CDHR2: variants seen among roughly 807,000 people sequenced by gnomAD.
CDHR2 encodes cadherin related family member 2, also known as cadherin-related family member 2.
Under a neutral mutation model 138.6 loss-of-function variants are expected in CDHR2, and 104 were observed. The observed-to-expected ratio is 0.75, with a 90% CI of 0.64 to 0.88. The LOEUF is 0.88. CDHR2 is among the 40% of genes least tolerant of loss of function. The probability of loss-of-function intolerance (pLI) is 0.00; values close to 1 mark genes in which losing one functional copy is unlikely to be tolerated. For synonymous variants in CDHR2, 755 were observed against 742.8 expected, an observed-to-expected ratio of 1.02 and a Z score of -0.27; for missense variants, 1,624 against 1,727.6, an observed-to-expected ratio of 0.94 and a Z score of 1.06.
intron 1 of CDHR2, among the ~76,000 whole-genome samples, chr5:176,550,909 C>G (rs2113248476): frequency 6.6e-6 from 1 of 152,314 alleles, no homozygotes; most frequent in East Asian, 1.9e-4. Context: ...CTGGCACCTC[C>G]TGGGCCAGGT....
rs989875231 is a variant in CDHR2 at position 176,553,854 on chromosome 5, G to A, written c.-16+4440G>A. On this transcript the variant is annotated intron_variant, in intron 1 of 31. Transcript: ENST00000261944. The surrounding 1 kb of genome is among the most constrained non-coding windows in gnomAD (Gnocchi z 4.3). ...CACCACCAGTGCCACCCCTACCCCC[G>A]AGGGATCCCTATCCTGATATTGGAC... 1.3e-5 allele frequency among the ~76,000 whole-genome samples: 2 copies of A among 151,962 alleles called. No individual in the cohort carries two copies. The highest frequency in any genetic ancestry group is 2.9e-5 in the Non-Finnish European group (2 of 68,004).
At position 176,590,680 on chromosome 5, in the gene CDHR2, C is replaced by T. The variant is rs775076278; in HGVS notation, c.3532C>T (p.Arg1178Trp). The T allele has an allele frequency of 1.5e-5, 25 of 1,613,114 alleles. No individual in the cohort carries two copies. Among genetic ancestry groups the T allele is most frequent in the African/African-American group, 9.4e-5 (7 of 74,836 alleles). ...VIMTMAFVCV[R>W]KSYNRKLQAM... ...CATGACCATGGCCTTCGTGTGTGTGCGGAAGAGGTGCGGCTCCCATTGCCC... is the reference window on the plus strand; with the variant it reads ...CATGACCATGGCCTTCGTGTGTGTGTGGAAGAGGTGCGGCTCCCATTGCCC... The change falls in exon 28 of 32, where the codon CGG becomes TGG. Residue 1178 changes from arginine (R) to tryptophan (W), a missense_variant. Arg to Trp is a moderately radical substitution (Grantham distance 101). This residue lies in a region of CDHR2 where 556 missense variants were observed against 565.7 expected (regional missense o/e 0.98). Coordinates refer to ENST00000261944, the MANE Select transcript of CDHR2 (RefSeq NM_017675.6).
chr5:176,545,907 G>T (rs183172458), upstream of CDHR2, among the ~76,000 whole-genome samples: 2 of 152,232 alleles, frequency 1.3e-5, no homozygotes, highest in Non-Finnish European at 2.9e-5. Flanking sequence ...CTGGCCACAC[G>T]TGCCTCATCG....
Position 176,589,246 on chromosome 5 carries a change from C to T in CDHR2, c.3008+64C>T, listed in dbSNP as rs926249387. On this transcript the variant is annotated intron_variant, in intron 22 of 31. Transcript: ENST00000261944. Reference sequence around the variant, plus strand: ...GGGCCCGATAGGAGCTTTCAGGCAGCAAGTCCCCCATCCTGGAGGTTACAA... The same window carrying T: ...GGGCCCGATAGGAGCTTTCAGGCAGTAAGTCCCCCATCCTGGAGGTTACAA... The T allele has an allele frequency of 1.3e-5, 21 of 1,602,354 alleles. No homozygotes were observed. In the African/African-American group the frequency reaches 2.8e-4, roughly 21 times the overall value.
rs776599507 is a variant in CDHR2 at position 176,584,660 on chromosome 5, C to T, written c.2379C>T (p.Asp793=). The T allele has an allele frequency of 5.6e-6, 9 of 1,613,882 alleles. No homozygotes were observed. Among genetic ancestry groups the T allele is most frequent in the African/African-American group, 5.3e-5 (4 of 74,918 alleles). Residue 793 remains aspartate (D), a synonymous_variant, in exon 19 of 32, where the codon GAC becomes GAT. Coordinates refer to ENST00000261944, the MANE Select transcript of CDHR2 (RefSeq NM_017675.6). ...CCCAGGGGGGTGAGACCATAGTAGACGTCTGCGTGAATGTGAAAGACGTGA... is the reference window on the plus strand; with the variant it reads ...CCCAGGGGGGTGAGACCATAGTAGATGTCTGCGTGAATGTGAAAGACGTGA... ...PDPQGGETIV[D]VCVNVKDVND... is the part of the protein sequence containing the mutation.
chr5:176,570,896 A>C (rs1473993234), intron 5 of CDHR2, among the ~76,000 whole-genome samples: 1 of 151,650 alleles, frequency 6.6e-6, no homozygotes, highest in Non-Finnish European at 1.5e-5. Flanking sequence ...GGTTGCATTG[A>C]GATGAGATCA....
chr5:176,576,136 C>G lies in CDHR2; in HGVS notation c.1145C>G (p.Pro382Arg), dbSNP rs376237956. 3.7e-6 allele frequency: 6 copies of G among 1,613,924 alleles called. No homozygotes were observed. Among genetic ancestry groups the G allele is most frequent in the African/African-American group, 1.3e-5 (1 of 74,942 alleles). The change falls in exon 12 of 32, where the codon CCC becomes CGC. Residue 382 changes from proline to arginine, a missense_variant. This residue lies in a region of CDHR2 where 1,061 missense variants were observed against 1,136.6 expected (regional missense o/e 0.93). Coordinates refer to ENST00000261944, the MANE Select transcript of CDHR2 (RefSeq NM_017675.6). The surrounding 1 kb of genome is among the most constrained non-coding windows in gnomAD (Gnocchi z 4.5). Reference sequence around the variant, plus strand: ...GGCTACGTGGACGAGCATGCCTCCCCCCGCATCCCCATCGATGACCTCACC... The same window carrying G: ...GGCTACGTGGACGAGCATGCCTCCCGCCGCATCCCCATCGATGACCTCACC... ...FTGYVDEHAS[P>R]RIPIDDLTMV...
At chr5:176,583,070 A>G (rs540949903) in intron 17 of CDHR2, among the ~76,000 whole-genome samples, 1 of 152,244 alleles carries the variant, frequency 6.6e-6, no homozygotes, top group Admixed American at 6.5e-5. Context: ...TCAGAAATGA[A>G]GAAAACGAAG....
intron 17 of CDHR2, among the ~76,000 whole-genome samples, chr5:176,583,260 A>G (rs1366197535): frequency 2.0e-5 from 3 of 152,204 alleles, no homozygotes; most frequent in Non-Finnish European, 4.4e-5. Context: ...AAGGTCACAC[A>G]TGAGGCAGAG....
upstream of CDHR2, among the ~76,000 whole-genome samples, chr5:176,545,952 A>T (rs73341061): frequency 0.012 from 1,783 of 152,136 alleles, 35 homozygotes; most frequent in African/African-American, 0.041. Flanking sequence ...GCCAGGACAC[A>T]CCTCTGTCAA....
chr5:176,576,380 G>C lies in CDHR2; in HGVS notation c.1194+195G>C, dbSNP rs1019670478. On this transcript the variant is annotated intron_variant, in intron 12 of 31. Coordinates refer to ENST00000261944, the MANE Select transcript of CDHR2 (RefSeq NM_017675.6). The surrounding 1 kb of genome is among the most constrained non-coding windows in gnomAD (Gnocchi z 4.5). ...ATCATCCTCTGGGCGATCCGTGTGGGGCTGAATAGAAGGCCATGCTGAGTG... is the reference window on the plus strand; with the variant it reads ...ATCATCCTCTGGGCGATCCGTGTGGCGCTGAATAGAAGGCCATGCTGAGTG... 3.3e-5 allele frequency among the ~76,000 whole-genome samples: 5 copies of C among 152,088 alleles called. No homozygotes were observed. The highest frequency in any genetic ancestry group is 5.9e-5 in the Non-Finnish European group (4 of 68,024).
At chr5:176,574,228 A>G (rs1354418222) in intron 7 of CDHR2, 56 bp downstream of exon 7, 1 of 1,304,426 alleles carries the variant, frequency 7.7e-7, no homozygotes, top group Non-Finnish European at 1.1e-6. Context: ...CAGCATCTCC[A>G]CAGACAACCC....
chr5:176,546,971 T>C (rs1581125686), upstream of CDHR2, among the ~76,000 whole-genome samples: 5 of 90,772 alleles, frequency 5.5e-5, no homozygotes, highest in Middle Eastern at 0.036. Flanking sequence ...CGCAAAGTGG[T>C]CTTTTTGGTC....
At chr5:176,560,988 A>G (rs1191159508) in intron 1 of CDHR2, among the ~76,000 whole-genome samples, 2 of 39,400 alleles carry the variant, frequency 5.1e-5, no homozygotes, top group African/African-American at 6.8e-5. Flanking sequence ...TCTAGGGCAC[A>G]CTGGGGGAGG....
intron 2 of CDHR2, 77 bp downstream of exon 2, chr5:176,565,481 C>A: frequency 7.0e-7 from 1 of 1,433,764 alleles, no homozygotes; most frequent in Non-Finnish European, 9.8e-7. Flanking sequence ...GGAGGGGGAT[C>A]CCTCATCAGC....
chr5:176,590,935 T>C (rs1442746849), intron 28 of CDHR2, among the ~76,000 whole-genome samples: 1 of 152,256 alleles, frequency 6.6e-6, no homozygotes, highest in Non-Finnish European at 1.5e-5. Flanking sequence ...CACACCCAGC[T>C]AGACGTCTGG....
intron 1 of CDHR2, among the ~76,000 whole-genome samples, chr5:176,558,453 G>A (rs1190790526): frequency 2.0e-5 from 3 of 148,482 alleles, no homozygotes; most frequent in South Asian, 2.1e-4. Flanking sequence ...GTGCGATTTC[G>A]GCCCACTGCA....
chr5:176,584,006 C>T (rs955290790), intron 17 of CDHR2, among the ~76,000 whole-genome samples, 184 bp from the exon 18 acceptor site: 18 of 152,228 alleles, frequency 1.2e-4, no homozygotes, highest in African/African-American at 3.1e-4. Flanking sequence ...CCCTGAACCC[C>T]GGGTGTGTGA....
At chr5:176,568,883 G>A (rs1476228469) in intron 4 of CDHR2, 66 bp downstream of exon 4, 26 of 1,610,868 alleles carry the variant, frequency 1.6e-5, no homozygotes, top group South Asian at 5.5e-5. Flanking sequence ...CTGGGAGCCC[G>A]CGTCCTGGTG....
Sources: gnomAD v4.1 joint callset for allele counts (sites outside exome capture counted in the v4.1 genomes callset) on GRCh38, gnomAD v4.1.1 for gene constraint, gnomAD v4.1.1 regional missense constraint, Gnocchi (gnomAD v3.1) non-coding constraint, MANE v1.5 for transcripts, NCBI Gene and HGNC (gene_info 2026-07-23, HGNC 2026-07-21) for gene names.